MTCL3: variants seen among roughly 807,000 people sequenced by gnomAD.
MTCL3 encodes microtubule cross-linking factor 3.
chr6:127,511,985 C>T, the MTCL3 span, among the ~76,000 whole-genome samples: 4 of 152,134 alleles, frequency 2.6e-5, no homozygotes, highest in African/African-American at 4.8e-5. Context: ...GGAAATTTTT[C>T]GGAAGACAAC....
At chr6:127,514,112 A>G in the MTCL3 span, among the ~76,000 whole-genome samples, 1 of 152,240 alleles carries the variant, frequency 6.6e-6, no homozygotes, top group Non-Finnish European at 1.5e-5. Context: ...GAATCTGCCT[A>G]CAGTCAAACT....
the MTCL3 span, chr6:127,473,240 C>T: frequency 6.9e-7 from 1 of 1,459,022 alleles, no homozygotes; most frequent in Non-Finnish European, 9.0e-7. Flanking sequence ...ACAAAATAAA[C>T]AAACTGAAAA....
At chr6:127,473,190 C>G in the MTCL3 span, 1 of 1,331,642 alleles carries the variant, frequency 7.5e-7, no homozygotes, top group Non-Finnish European at 9.7e-7. Flanking sequence ...TTGGTTACTA[C>G]AGAAATTATA....
At chr6:127,476,472 A>T in the MTCL3 span, 1 of 1,558,788 alleles carries the variant, frequency 6.4e-7, no homozygotes. This position sits in a 1 kb window ranked among gnomAD's most constrained non-coding sequence, Gnocchi z 4.4. Flanking sequence ...TGTCCTCCTC[A>T]TTTGGGGGAA....
chr6:127,515,689 G>T, the MTCL3 span: 5 of 1,548,972 alleles, frequency 3.2e-6, no homozygotes, highest in Middle Eastern at 1.9e-4. This position sits in a 1 kb window ranked among gnomAD's most constrained non-coding sequence, Gnocchi z 4.3. Context: ...CGCCATTGGG[G>T]AGGCGGAGGC....
the MTCL3 span, among the ~76,000 whole-genome samples, chr6:127,508,682 T>C: frequency 6.6e-6 from 1 of 152,350 alleles, no homozygotes; most frequent in South Asian, 2.1e-4. Context: ...GTTCTCATCA[T>C]CATCATCTTA....
chr6:127,516,133 G>A, the MTCL3 span: 1 of 1,455,354 alleles, frequency 6.9e-7, no homozygotes, highest in African/African-American at 1.5e-5. Context: ...TCCGAGCGGA[G>A]GGGGTTCCCC....
At chr6:127,514,983 G>C in the MTCL3 span, 1 of 1,614,130 alleles carries the variant, frequency 6.2e-7, no homozygotes, top group Non-Finnish European at 8.5e-7. Context: ...CAGTTGACAG[G>C]CATCCTCCTC....
the MTCL3 span, among the ~76,000 whole-genome samples, chr6:127,502,631 A>C: frequency 2.6e-5 from 4 of 152,316 alleles, no homozygotes; most frequent in African/African-American, 9.6e-5. Context: ...GGTCCTAGAC[A>C]GCTCTAAAAT....
the MTCL3 span, among the ~76,000 whole-genome samples, chr6:127,481,906 T>G: frequency 6.6e-6 from 1 of 152,126 alleles, no homozygotes; most frequent in African/African-American, 2.4e-5. Context: ...CGCATTCCAG[T>G]AAAAAAGCCA....
chr6:127,473,481 T>G, the MTCL3 span: 1 of 1,037,636 alleles, frequency 9.6e-7, no homozygotes, highest in Non-Finnish European at 1.3e-6. Context: ...AAGTAGTCAT[T>G]CAACTTAAAA....
the MTCL3 span, among the ~76,000 whole-genome samples, chr6:127,501,999 T>C: frequency 2.0e-5 from 3 of 152,276 alleles, no homozygotes; most frequent in Non-Finnish European, 4.4e-5. Flanking sequence ...TCACAAGTAT[T>C]TGAAAACAAA....
chr6:127,473,533 G>A, the MTCL3 span: 1 of 552,804 alleles, frequency 1.8e-6, no homozygotes, highest in Non-Finnish European at 3.0e-6. Context: ...TATAAAATCT[G>A]AAAGCCTAAT....
chr6:127,473,241 A>C, the MTCL3 span: 2 of 1,466,096 alleles, frequency 1.4e-6, no homozygotes, highest in Non-Finnish European at 1.8e-6. Flanking sequence ...CAAAATAAAC[A>C]AACTGAAAAT....
chr6:127,476,556 A>AT, the MTCL3 span: 3 of 1,086,458 alleles, frequency 2.8e-6, no homozygotes, highest in Non-Finnish European at 3.9e-6. The surrounding 1 kb of genome is among the most constrained non-coding windows in gnomAD (Gnocchi z 4.4). Flanking sequence ...TGGATAAATA[A>AT]TTTTTCTTGC....
the MTCL3 span, among the ~76,000 whole-genome samples, chr6:127,480,404 A>G: frequency 8.0e-3 from 1,225 of 152,326 alleles, 22 homozygotes; most frequent in African/African-American, 0.028. Context: ...TTCTCTGTAA[A>G]TAAAGTCACT....
chr6:127,496,794 A>C, the MTCL3 span, among the ~76,000 whole-genome samples: 1 of 152,246 alleles, frequency 6.6e-6, no homozygotes, highest in African/African-American at 2.4e-5. Context: ...TGAATAGATA[A>C]AATATGATAT....
chr6:127,486,647 T>C, the MTCL3 span, among the ~76,000 whole-genome samples: 3 of 152,210 alleles, frequency 2.0e-5, no homozygotes, highest in Non-Finnish European at 4.4e-5. Context: ...AAAACATTTA[T>C]TGTCCACTTC....
the MTCL3 span, among the ~76,000 whole-genome samples, chr6:127,491,199 C>T: frequency 3.7e-4 from 56 of 152,296 alleles, no homozygotes; most frequent in African/African-American, 1.3e-3. Flanking sequence ...GCAAGTTTTG[C>T]AAGAATTTAT....
Sources: gnomAD v4.1 joint callset for allele counts (sites outside exome capture counted in the v4.1 genomes callset) on GRCh38, gnomAD v4.1.1 for gene constraint, Gnocchi (gnomAD v3.1) non-coding constraint, MANE v1.5 for transcripts, NCBI Gene and HGNC (gene_info 2026-07-23, HGNC 2026-07-21) for gene names.